The following CCDC57 variants were observed in gnomAD, a reference collection of about 807,000 sequenced individuals.
CCDC57 encodes the protein coiled-coil domain-containing protein 57.
Under a neutral mutation model 118.9 loss-of-function variants are expected in CCDC57, and 118 were observed. The observed-to-expected ratio is 0.99, with a 90% CI of 0.86 to 1.16. The LOEUF is 1.16. Ranked by LOEUF, CCDC57 falls within the 50% of genes most tolerant of loss-of-function variation. The pLI, the probability that CCDC57 is intolerant of heterozygous loss-of-function variation, is 0.00. For missense variants in CCDC57, 1,300 were observed against 1,320.7 expected, an observed-to-expected ratio of 0.98 and a Z score of 0.24; for synonymous variants, 527 against 532.9, an observed-to-expected ratio of 0.99 and a Z score of 0.15.
chr17:82,113,887 A>G (rs2035499241), intron 19 of CCDC57: 2 of 557,830 alleles, frequency 3.6e-6, no homozygotes, highest in Non-Finnish European at 6.4e-6. Context: ...TTGAGGCCAC[A>G]GTGAACCAAG....
chr17:82,144,807 A>G (rs1446127174), intron 16 of CCDC57, among the ~76,000 whole-genome samples: 1 of 152,228 alleles, frequency 6.6e-6, no homozygotes, highest in African/African-American at 2.4e-5. Flanking sequence ...ATTGGGAAAC[A>G]ACAAAGCGAG....
intron 16 of CCDC57, among the ~76,000 whole-genome samples, chr17:82,140,629 G>T (rs769287348): frequency 9.9e-5 from 15 of 152,188 alleles, no homozygotes; most frequent in Admixed American, 2.6e-4. Flanking sequence ...GAGAATCTTT[G>T]TTTTTTACCA....
intron 8 of CCDC57, 73 bp from the exon 8 acceptor site, chr17:82,184,005 G>T: frequency 6.2e-6 from 6 of 975,370 alleles, no homozygotes; most frequent in Non-Finnish European, 7.1e-6. Context: ...GCACCCCCCA[G>T]CAAATACACA....
At position 82,212,488 on chromosome 17, in the gene CCDC57, C is replaced by T. The variant is rs1293076319; in HGVS notation, c.-211+297G>A. Among the ~76,000 whole-genome samples, 1 of 151,080 alleles carries T rather than the reference C, an allele frequency of 6.6e-6. No homozygotes were observed. On this transcript the variant is annotated intron_variant, in intron 1 of 19. Coordinates refer to ENST00000665763, the Ensembl canonical transcript of CCDC57. The surrounding 1 kb of genome is among the most constrained non-coding windows in gnomAD (Gnocchi z 4.1). ...CCGGCGGCGGAACCCGGGGAATTCT[C>T]CCGGGGCTGCGGGGCCCTGGTCGGC...
intron 16 of CCDC57, among the ~76,000 whole-genome samples, chr17:82,145,045 CAG>C (rs1669005141): frequency 8.1e-6 from 1 of 123,334 alleles, no homozygotes; most frequent in African/African-American, 2.9e-5. Flanking sequence ...TTTTTTGAGA[CAG>C]AGTCTCGCTC....
At chr17:82,136,580 C>CAAA (rs761497406) in intron 16 of CCDC57, among the ~76,000 whole-genome samples, 5 of 80,816 alleles carry the variant, frequency 6.2e-5, no homozygotes, top group African/African-American at 2.1e-4. Flanking sequence ...TGTATAGTAC[C>CAAA]AAAAAAAAAA....
At chr17:82,119,273 A>G (rs1406276702) in intron 19 of CCDC57, among the ~76,000 whole-genome samples, 2 of 151,932 alleles carry the variant, frequency 1.3e-5, no homozygotes, top group Non-Finnish European at 2.9e-5. Context: ...ATTTTTTTGG[A>G]TAATGCTTGG....
At chr17:82,210,881 C>G (rs1168792994) in intron 1 of CCDC57, among the ~76,000 whole-genome samples, 1 of 149,368 alleles carries the variant, frequency 6.7e-6, no homozygotes, top group Non-Finnish European at 1.5e-5. Flanking sequence ...GTAATCCCAG[C>G]TACTTGAGAG....
chr17:82,107,121 C>T (rs2034906149), intron 19 of CCDC57, among the ~76,000 whole-genome samples: 1 of 152,244 alleles, frequency 6.6e-6, no homozygotes. Flanking sequence ...ACACACTTAT[C>T]AGCTGCCCGA....
intron 16 of CCDC57, among the ~76,000 whole-genome samples, chr17:82,144,518 T>C (rs1487845566): frequency 6.6e-6 from 1 of 152,318 alleles, no homozygotes; most frequent in East Asian, 1.9e-4. Context: ...GCCTTGTACC[T>C]GAGTCTGAGT....
intron 19 of CCDC57, among the ~76,000 whole-genome samples, chr17:82,116,062 G>A (rs1396306834): frequency 1.4e-5 from 2 of 147,210 alleles, no homozygotes; most frequent in Non-Finnish European, 3.0e-5. Context: ...CTCCCAAAGT[G>A]CTGGGATTAC....
At chr17:82,137,439 G>A (rs2039369677) in intron 16 of CCDC57, among the ~76,000 whole-genome samples, 1 of 152,192 alleles carries the variant, frequency 6.6e-6, no homozygotes, top group Non-Finnish European at 1.5e-5. Flanking sequence ...CCGTGCTTTT[G>A]TTGACTTATT....
chr17:82,201,909 C>T, exon 3 of CCDC57: 1 of 1,606,140 alleles, frequency 6.2e-7, no homozygotes, highest in Non-Finnish European at 8.5e-7. Flanking sequence ...GAAGCAGCAG[C>T]TCATTCAGGG....
Position 82,111,519 on chromosome 17 carries a change from C to G in CCDC57, c.2900-9653G>C, listed in dbSNP as rs2035244293. On this transcript the variant is annotated intron_variant, in intron 19 of 19. Coordinates refer to ENST00000665763, the Ensembl canonical transcript of CCDC57. ...CCAGCCTCCCAAGCAGCTGGGACCA[C>G]AGACATGTGCCACCACATCCAGTCT... is the stretch of plus-strand genomic sequence containing the variant. Among the ~76,000 whole-genome samples the G allele has an allele frequency of 2.6e-5, 4 of 152,178 alleles. No individual in the cohort carries two copies. In the South Asian group the frequency reaches 8.3e-4, roughly 32 times the overall value.
intron 11 of CCDC57, among the ~76,000 whole-genome samples, chr17:82,175,936 G>A (rs1260124942): frequency 1.3e-5 from 2 of 152,332 alleles, no homozygotes; most frequent in South Asian, 2.1e-4. Context: ...ATTTGCCGAG[G>A]TCTGGGAGCA....
chr17:82,140,284 C>T (rs1008361945), intron 16 of CCDC57, among the ~76,000 whole-genome samples: 1 of 152,192 alleles, frequency 6.6e-6, no homozygotes, highest in African/African-American at 2.4e-5. Context: ...GACGGGGTTT[C>T]ACCATGTTAG....
At chr17:82,201,642 C>T (rs774481460) in exon 3 of CCDC57, 3 of 1,613,918 alleles carry the variant, frequency 1.9e-6, no homozygotes, top group Non-Finnish European at 2.5e-6. Context: ...CCTGCCTCAG[C>T]TTAGCTGCCT....
chr17:82,107,283 G>A, intron 19 of CCDC57: 3 of 392,742 alleles, frequency 7.6e-6, no homozygotes, highest in South Asian at 3.6e-5. Flanking sequence ...GGGAAAAGAG[G>A]CAAAGGCCCA....
intron 13 of CCDC57, among the ~76,000 whole-genome samples, chr17:82,164,944 A>G (rs1490949300): frequency 1.3e-5 from 2 of 152,362 alleles, no homozygotes; most frequent in Admixed American, 6.5e-5. Context: ...CTCTGATTCC[A>G]AAACCTCCCA....
Sources: allele counts gnomAD v4.1 joint callset (sites outside exome capture counted in the v4.1 genomes callset), GRCh38; gene constraint gnomAD v4.1.1; non-coding constraint Gnocchi (gnomAD v3.1); transcripts MANE v1.5; gene names NCBI Gene and HGNC (gene_info 2026-07-23, HGNC 2026-07-21).